ANKRD30B: variants seen among roughly 807,000 people sequenced by gnomAD.
ANKRD30B encodes ankyrin repeat domain-containing protein 30B.
A neutral mutation model predicts 202.2 loss-of-function variants in ANKRD30B; 144 were observed. The ratio of observed to expected loss-of-function variants is 0.71; its 90% CI spans 0.62 to 0.82. The LOEUF (loss-of-function observed/expected upper bound fraction) is 0.82, where lower values mean the gene tolerates loss of function less well. Ranked by LOEUF, ANKRD30B falls within the 40% of genes least tolerant of loss-of-function variation. The pLI, the probability that ANKRD30B is intolerant of heterozygous loss-of-function variation, is 0.00. For synonymous variants in ANKRD30B, 508 were observed against 561.3 expected (o/e 0.91, Z 1.34); for missense variants, 1,487 against 1,669.1 (o/e 0.89, Z 1.90).
At chr18:14,784,632 A>G in intron 14 of ANKRD30B, 97 bp downstream of exon 14, 5 of 1,352,940 alleles carry the variant, frequency 3.7e-6, no homozygotes, top group Non-Finnish European at 5.0e-6. Flanking sequence ...TTTAACTTTG[A>G]TGAAAAGATT....
chr18:14,774,250 C>G lies in ANKRD30B; in HGVS notation c.1329+2022C>G, dbSNP rs1967211467. 3.3e-5 allele frequency among the ~76,000 whole-genome samples: 5 copies of G among 152,040 alleles called. No homozygotes were observed. In the South Asian group the frequency reaches 1.0e-3, roughly 31 times the overall value. ...AATATATTATGAACAAAAGTCTGTA[C>G]TTTATGTGTTTCATCATATATCTTA... On this transcript the variant is annotated intron_variant, in intron 9 of 43. Coordinates refer to ENST00000690538, the MANE Select transcript of ANKRD30B (RefSeq NM_001367607.2).
chr18:14,932,498 G>C, the ANKRD30B span, among the ~76,000 whole-genome samples: 1 of 151,912 alleles, frequency 6.6e-6, no homozygotes, highest in African/African-American at 2.4e-5. Flanking sequence ...CACCGCGCCC[G>C]GCTAACTTTT....
At chr18:14,864,934 C>T in the ANKRD30B span, among the ~76,000 whole-genome samples, 3 of 151,994 alleles carry the variant, frequency 2.0e-5, no homozygotes, top group Admixed American at 6.6e-5. Context: ...TTTTTCCCTG[C>T]CACCTTCTCA....
intron 33 of ANKRD30B, among the ~76,000 whole-genome samples, chr18:14,829,920 C>G (rs185416897): frequency 2.0e-5 from 3 of 152,248 alleles, no homozygotes; most frequent in Admixed American, 6.5e-5. Flanking sequence ...GTGTCCCCTC[C>G]CGTTTGCCTC....
At chr18:14,929,260 C>T in the ANKRD30B span, among the ~76,000 whole-genome samples, 5 of 152,206 alleles carry the variant, frequency 3.3e-5, no homozygotes, top group African/African-American at 1.2e-4. Flanking sequence ...CAGGTGAATT[C>T]CAACTCACCC....
chr18:14,891,771 C>A, the ANKRD30B span, among the ~76,000 whole-genome samples: 11 of 152,230 alleles, frequency 7.2e-5, no homozygotes, highest in Non-Finnish European at 1.3e-4. Flanking sequence ...GCTCAATTCA[C>A]AGACAAGCCT....
chr18:14,773,093 T>C (rs1464388442), intron 9 of ANKRD30B, among the ~76,000 whole-genome samples: 2 of 152,212 alleles, frequency 1.3e-5, no homozygotes, highest in Non-Finnish European at 2.9e-5. Context: ...ATGCAGATTT[T>C]ACCCCAAGTA....
chr18:14,757,511 T>C (rs1291030717), intron 4 of ANKRD30B, among the ~76,000 whole-genome samples: 1 of 152,220 alleles, frequency 6.6e-6, no homozygotes, highest in Non-Finnish European at 1.5e-5. Context: ...TAAAATATTA[T>C]ATCAGACTAA....
chr18:14,884,164 A>C, the ANKRD30B span: 1 of 139,278 alleles, frequency 7.2e-6, no homozygotes, highest in Non-Finnish European at 1.6e-5. Flanking sequence ...TGTGGCTTCC[A>C]TTTTGGGTAC....
At chr18:14,818,185 TAAC>T (rs1970215367) in intron 30 of ANKRD30B, among the ~76,000 whole-genome samples, 1 of 152,206 alleles carries the variant, frequency 6.6e-6, no homozygotes, top group African/African-American at 2.4e-5. Context: ...AGCTTTTTCA[TAAC>T]AGTGTTTTAG....
chr18:14,931,748 G>A, the ANKRD30B span, among the ~76,000 whole-genome samples: 1 of 152,084 alleles, frequency 6.6e-6, no homozygotes, highest in African/African-American at 2.4e-5. Flanking sequence ...TGATAGCTCA[G>A]AATTCACGTT....
chr18:14,809,441 C>A (rs1296203530), intron 26 of ANKRD30B, among the ~76,000 whole-genome samples: 1 of 150,836 alleles, frequency 6.6e-6, no homozygotes, highest in African/African-American at 2.5e-5. Context: ...ACCAGAAATT[C>A]TCAGAAGGGA....
At chr18:14,815,650 G>T (rs1007736666) in intron 30 of ANKRD30B, among the ~76,000 whole-genome samples, 1 of 152,166 alleles carries the variant, frequency 6.6e-6, no homozygotes, top group African/African-American at 2.4e-5. Flanking sequence ...AGCCAGAGAA[G>T]AAGAAAGAAA....
chr18:14,860,689 A>G, the ANKRD30B span, among the ~76,000 whole-genome samples: 1 of 151,598 alleles, frequency 6.6e-6, no homozygotes, highest in Non-Finnish European at 1.5e-5. Flanking sequence ...TTCTTAAAGA[A>G]AAAAAAATGC....
In ANKRD30B at chr18:14,850,281, G is replaced by A. The variant is rs754739467; in HGVS notation, c.3463G>A (p.Glu1155Lys). 1.6e-5 allele frequency: 26 copies of A among 1,591,454 alleles called. No individual in the cohort carries two copies. The highest frequency in any genetic ancestry group is 7.1e-5 in the Admixed American group (4 of 56,232). Residue 1155 changes from glutamate to lysine, a missense_variant, in exon 41 of 44, where the codon GAA becomes AAA. By Grantham distance (56) the Glu-to-Lys change is moderately conservative. This residue lies in a region of ANKRD30B where 177 missense variants were observed against 216.4 expected (regional missense o/e 0.82). Transcript: ENST00000690538. ...VDILKEKIRP[E>K]EQLRKKLEVK... is the part of the protein sequence containing the mutation. ...TATATTAAAAGAAAAAATTAGACCCGAAGAGCAACTTAGGAAAAAGTTAGA... is the reference window on the plus strand; with the variant it reads ...TATATTAAAAGAAAAAATTAGACCCAAAGAGCAACTTAGGAAAAAGTTAGA...
chr18:14,852,441 A>G, intron 42 of ANKRD30B, 21 bp downstream of exon 42: 1 of 1,509,234 alleles, frequency 6.6e-7, no homozygotes, highest in Non-Finnish European at 8.8e-7. Flanking sequence ...AAAAATATAA[A>G]TACTTTTCAA....
At chr18:14,792,459 G>C (rs191287251) in intron 16 of ANKRD30B, among the ~76,000 whole-genome samples, 1 of 151,666 alleles carries the variant, frequency 6.6e-6, no homozygotes, top group East Asian at 1.9e-4. Flanking sequence ...TGTTGAATGG[G>C]AAGAAACAAG....
chr18:14,881,683 G>T, the ANKRD30B span, among the ~76,000 whole-genome samples: 1 of 151,786 alleles, frequency 6.6e-6, no homozygotes, highest in African/African-American at 2.4e-5. Context: ...AATGAAAGAA[G>T]ACATTCTTTG....
At chr18:14,925,812 C>T in the ANKRD30B span, among the ~76,000 whole-genome samples, 5 of 152,146 alleles carry the variant, frequency 3.3e-5, no homozygotes, top group South Asian at 2.1e-4. Context: ...CCCAGAGGCC[C>T]GAGGGAGAGA....
Sources: gnomAD v4.1 joint callset for allele counts (sites outside exome capture counted in the v4.1 genomes callset) on GRCh38, gnomAD v4.1.1 for gene constraint, gnomAD v4.1.1 regional missense constraint, MANE v1.5 for transcripts, NCBI Gene and HGNC (gene_info 2026-07-23, HGNC 2026-07-21) for gene names.